Variants in CACNA2D3 observed in about 807,000 individuals in gnomAD.
CACNA2D3 encodes the protein calcium voltage-gated channel auxiliary subunit alpha2delta 3, also known as voltage-dependent calcium channel subunit alpha-2/delta-3.
A neutral mutation model predicts 160.6 loss-of-function variants in CACNA2D3; 60 were observed. The ratio of observed to expected loss-of-function variants is 0.37; its 90% CI spans 0.30 to 0.46. CACNA2D3 has a LOEUF of 0.46. CACNA2D3 is among the 20% of genes least tolerant of loss of function. The probability of loss-of-function intolerance (pLI) is 1.00; values close to 1 mark genes in which losing one functional copy is unlikely to be tolerated. For synonymous variants in CACNA2D3, 558 were observed against 492.9 expected, an observed-to-expected ratio of 1.13 and a Z score of -1.75; for missense variants, 1,205 against 1,365.0, an observed-to-expected ratio of 0.88 and a Z score of 1.85.
intron 27 of CACNA2D3, among the ~76,000 whole-genome samples, chr3:54,912,299 C>T (rs979244093): frequency 1.3e-5 from 2 of 152,124 alleles, no homozygotes; most frequent in Admixed American, 6.5e-5. Flanking sequence ...TGAAGCGAGT[C>T]ACTAGGTCCA....
intron 14 of CACNA2D3, among the ~76,000 whole-genome samples, chr3:54,824,899 G>A (rs949237194): frequency 2.6e-5 from 4 of 152,124 alleles, no homozygotes; most frequent in South Asian, 2.1e-4. Context: ...TTAAAAATAG[G>A]CAAAAAGAAC....
At chr3:54,737,180 A>ATGTGTG (rs1260108421) in intron 11 of CACNA2D3, among the ~76,000 whole-genome samples, 3 of 91,794 alleles carry the variant, frequency 3.3e-5, no homozygotes, top group Non-Finnish European at 4.2e-5. Flanking sequence ...ATCCATGTGT[A>ATGTGTG]TATGTGTGTG....
intron 2 of CACNA2D3, among the ~76,000 whole-genome samples, chr3:54,284,841 A>G (rs1702969488): frequency 6.6e-6 from 1 of 152,232 alleles, no homozygotes; most frequent in African/African-American, 2.4e-5. Context: ...CCTCTTCAGT[A>G]TCCTGGAATG....
chr3:54,541,278 G>GAAAAAAAAAAAAAAA (rs141900915), intron 5 of CACNA2D3, among the ~76,000 whole-genome samples: 133 of 81,684 alleles, frequency 1.6e-3, no homozygotes, highest in African/African-American at 2.6e-3. Flanking sequence ...CTCCGTCTCA[G>GAAAAAAAAAAAAAAA]AAAAAAAAAA....
At chr3:54,366,364 C>T (rs367664851) in intron 3 of CACNA2D3, among the ~76,000 whole-genome samples, 1 of 152,212 alleles carries the variant, frequency 6.6e-6, no homozygotes, top group East Asian at 1.9e-4. Context: ...TTTCCCATTA[C>T]TCTACACTTC....
intron 27 of CACNA2D3, among the ~76,000 whole-genome samples, chr3:54,911,722 A>C: frequency 6.6e-6 from 1 of 151,864 alleles, no homozygotes; most frequent in Non-Finnish European, 1.5e-5. Context: ...TCACCTCTTC[A>C]TTTTATTCTT....
chr3:55,006,929 C>CCA (rs1488989748), intron 32 of CACNA2D3, among the ~76,000 whole-genome samples: 2 of 152,176 alleles, frequency 1.3e-5, no homozygotes, highest in Non-Finnish European at 2.9e-5. Flanking sequence ...CTAAAGGCAA[C>CCA]CACAAAAGGT....
chr3:54,187,953 A>G (rs975185392), intron 2 of CACNA2D3, among the ~76,000 whole-genome samples: 7 of 151,980 alleles, frequency 4.6e-5, no homozygotes, highest in Non-Finnish European at 7.4e-5. Context: ...GTGTTTAAGG[A>G]TGACCTGATG....
At chr3:54,974,562 G>T (rs566334945) in intron 29 of CACNA2D3, among the ~76,000 whole-genome samples, 2 of 152,146 alleles carry the variant, frequency 1.3e-5, no homozygotes, top group Non-Finnish European at 2.9e-5. Context: ...CATGGCCTGG[G>T]TTTGGGCTTT....
intron 13 of CACNA2D3, among the ~76,000 whole-genome samples, chr3:54,780,043 T>A (rs748318066): frequency 6.6e-6 from 1 of 152,200 alleles, no homozygotes; most frequent in Non-Finnish European, 1.5e-5. Flanking sequence ...CACTACAGTT[T>A]GTTTGTTTCT....
intron 2 of CACNA2D3, among the ~76,000 whole-genome samples, chr3:54,277,621 G>A (rs1042153641): frequency 1.3e-5 from 2 of 151,970 alleles, no homozygotes; most frequent in African/African-American, 4.8e-5. Context: ...GCTTTTTTTT[G>A]ATTCCATATG....
At chr3:54,541,705 T>G (rs991277912) in intron 5 of CACNA2D3, among the ~76,000 whole-genome samples, 1 of 152,140 alleles carries the variant, frequency 6.6e-6, no homozygotes, top group Admixed American at 6.5e-5. Flanking sequence ...GTGGAAAGCA[T>G]CAAGAAAGAT....
intron 17 of CACNA2D3, among the ~76,000 whole-genome samples, chr3:54,869,653 T>G (rs1699479722): frequency 6.6e-6 from 1 of 152,192 alleles, no homozygotes; most frequent in Non-Finnish European, 1.5e-5. Context: ...GTAATGGTTC[T>G]TAGGTAACAG....
In CACNA2D3 at chr3:54,275,370, G is replaced by C. The variant is rs182239089; in HGVS notation, c.205-45072G>C. 2.0e-5 allele frequency among the ~76,000 whole-genome samples: 3 copies of C among 151,214 alleles called. No homozygotes were observed. In the East Asian group the frequency reaches 6.2e-4, roughly 31 times the overall value. On this transcript the variant is annotated intron_variant, in intron 2 of 37. Transcript: ENST00000474759. ...AACCACTTTGACAGTCTGAAACTTA[G>C]ATTTTTTCTTAGAAAAAAAATTCAA...
chr3:54,152,830 G>A (rs1007059275), intron 2 of CACNA2D3, among the ~76,000 whole-genome samples: 1 of 152,208 alleles, frequency 6.6e-6, no homozygotes, highest in Non-Finnish European at 1.5e-5. Context: ...GTGTGACTCA[G>A]GGCTTATTTT....
intron 13 of CACNA2D3, among the ~76,000 whole-genome samples, chr3:54,793,173 TCAACCATC>T (rs1702796583): frequency 6.6e-6 from 1 of 152,214 alleles, no homozygotes; most frequent in South Asian, 2.1e-4. Context: ...CCAACCCATC[TCAACCATC>T]CAAAGTTCAG....
At chr3:54,801,501 T>C (rs1004297642) in intron 13 of CACNA2D3, among the ~76,000 whole-genome samples, 2 of 152,306 alleles carry the variant, frequency 1.3e-5, no homozygotes, top group Middle Eastern at 3.4e-3. Context: ...TACCGTGTCA[T>C]TCATGTTAGT....
Position 54,866,500 on chromosome 3 carries a change from A to G in CACNA2D3, c.1627-5039A>G, listed in dbSNP as rs558179996. Among the ~76,000 whole-genome samples, 6 of 152,244 alleles carry G rather than the reference A, an allele frequency of 3.9e-5. 1 individual carries two copies. The South Asian group carries it at 1.2e-3, about 32-fold the overall frequency. On this transcript the variant is annotated intron_variant, in intron 17 of 37. Coordinates refer to ENST00000474759, the MANE Select transcript of CACNA2D3 (RefSeq NM_018398.3). ...TCCAGATGGCATTAGCTTTGGGCAA[A>G]GTTTCTTCCTCTCCCACCCCATCCC...
chr3:54,663,607 C>A (rs546269858), intron 11 of CACNA2D3, among the ~76,000 whole-genome samples: 123 of 152,296 alleles, frequency 8.1e-4, no homozygotes, highest in Middle Eastern at 3.4e-3. Context: ...GCGATGAAGA[C>A]AACTAAATGC....
Sources: allele counts gnomAD v4.1 joint callset (sites outside exome capture counted in the v4.1 genomes callset), GRCh38; gene constraint gnomAD v4.1.1; transcripts MANE v1.5; gene names NCBI Gene and HGNC (gene_info 2026-07-23, HGNC 2026-07-21).